CLASP2: variants seen among roughly 807,000 people sequenced by gnomAD.
The protein encoded by CLASP2 is cytoplasmic linker associated protein 2.
A neutral mutation model predicts 194.4 loss-of-function variants in CLASP2; 47 were observed. That is an observed-to-expected ratio of 0.24 (90% CI 0.19 to 0.31). The LOEUF (loss-of-function observed/expected upper bound fraction) is 0.31. CLASP2 is among the 10% of genes least tolerant of loss of function. The probability of loss-of-function intolerance (pLI) is 1.00; values close to 1 mark genes in which losing one functional copy is unlikely to be tolerated. For synonymous variants in CLASP2, 619 were observed against 633.5 expected (o/e 0.98, Z 0.34); for missense variants, 1,445 against 1,823.6 (o/e 0.79, Z 3.78).
intron 18 of CLASP2, among the ~76,000 whole-genome samples, chr3:33,597,680 C>T (rs981415318): frequency 5.3e-5 from 8 of 151,926 alleles, no homozygotes; most frequent in African/African-American, 1.9e-4. Flanking sequence ...GGCCCCCCAG[C>T]GTGAGTCTTA....
chr3:33,498,770 A>C (rs2046136637), intron 38 of CLASP2, 53 bp from the exon 39 acceptor site: 1 of 1,153,204 alleles, frequency 8.7e-7, no homozygotes, highest in African/African-American at 1.5e-5. Context: ...CCAAATTATA[A>C]GATACTCATT....
intron 7 of CLASP2, 57 bp downstream of exon 7, chr3:33,663,388 G>T: frequency 7.6e-7 from 1 of 1,318,248 alleles, no homozygotes; most frequent in Non-Finnish European, 1.1e-6. Context: ...ATACATTTTA[G>T]TGCCTAAAAC....
chr3:33,544,427 T>C (rs765845101), intron 31 of CLASP2, among the ~76,000 whole-genome samples: 20 of 152,186 alleles, frequency 1.3e-4, no homozygotes, highest in Non-Finnish European at 2.5e-4. Context: ...TGCTCTCATC[T>C]ATGTTTTGCT....
chr3:33,551,370 A>T lies in CLASP2; in HGVS notation c.3035T>A (p.Ile1012Lys). Residue 1012 changes from isoleucine (I) to lysine (K), a missense_variant, in exon 30 of 39, where the codon ATA becomes AAA. Ile to Lys is a moderately radical substitution (Grantham distance 102). Coordinates refer to ENST00000682230, the MANE Select transcript of CLASP2 (RefSeq NM_001365631.1). The stretch of plus-strand genomic sequence containing the variant: ...ATCCATCTGTTTGGCCAGAGTTTCT[A>T]TGTATTTAAGGATAGCAACCTTCAC... ...LKVKVAILKY[I>K]ETLAKQMDPG... The T allele has an allele frequency of 6.2e-7, 1 of 1,613,888 alleles. No individual in the cohort carries two copies. Among genetic ancestry groups the T allele is most frequent in the Non-Finnish European group, 8.5e-7 (1 of 1,179,832 alleles).
chr3:33,648,615 T>G (rs1188388270), intron 7 of CLASP2, among the ~76,000 whole-genome samples: 2 of 152,206 alleles, frequency 1.3e-5, no homozygotes, highest in Admixed American at 1.3e-4. Flanking sequence ...TTCATAAAAC[T>G]AATTCATTAT....
chr3:33,614,290 TACA>T (rs1167236296), intron 12 of CLASP2, among the ~76,000 whole-genome samples: 2 of 152,168 alleles, frequency 1.3e-5, no homozygotes, highest in Non-Finnish European at 2.9e-5. Context: ...AATTTTTCCT[TACA>T]TACAGCTGTT....
chr3:33,601,639 T>C (rs1419395346), intron 18 of CLASP2, among the ~76,000 whole-genome samples: 1 of 152,212 alleles, frequency 6.6e-6, no homozygotes, highest in Non-Finnish European at 1.5e-5. Context: ...AACCTGAGAT[T>C]TGATGAATAC....
rs539585002 is a variant in CLASP2, at chr3:33,718,067, C to A, written c.-65G>T. On this transcript the variant is annotated 5_prime_UTR_variant, in exon 1 of 39. The change creates a new upstream start codon in the 5' untranslated region. Coordinates refer to ENST00000682230, the MANE Select transcript of CLASP2 (RefSeq NM_001365631.1). ...CAACTTTCGCCGAGAGCCGCCCAGCCTCCAGTGCGGGTCCCCGCGGGAGCG... is the reference window on the plus strand; with the variant it reads ...CAACTTTCGCCGAGAGCCGCCCAGCATCCAGTGCGGGTCCCCGCGGGAGCG... 1.4e-6 allele frequency: 2 copies of A among 1,417,812 alleles called. No homozygotes were observed. Among genetic ancestry groups the A allele is most frequent in the African/African-American group, 1.5e-5 (1 of 66,634 alleles). The allele number at this position is 1,417,812 out of a possible 1,614,324, so 87.8% of individuals were successfully genotyped here. A position where few individuals can be genotyped will look rare whatever the true frequency, so the allele number is the denominator to read the frequency against.
At chr3:33,623,673 C>A (rs1018656283) in intron 10 of CLASP2, among the ~76,000 whole-genome samples, 1 of 152,040 alleles carries the variant, frequency 6.6e-6, no homozygotes, top group Admixed American at 6.6e-5. Context: ...TCCATTTATT[C>A]ACTGATGGAC....
chr3:33,569,119 A>C (rs917446332), intron 26 of CLASP2, among the ~76,000 whole-genome samples: 3 of 152,212 alleles, frequency 2.0e-5, no homozygotes, highest in Admixed American at 2.0e-4. Flanking sequence ...ATAAAGCCCT[A>C]AGAAGAGAAA....
intron 21 of CLASP2, 63 bp downstream of exon 21, chr3:33,592,332 C>G: frequency 8.4e-7 from 1 of 1,186,348 alleles, no homozygotes; most frequent in Non-Finnish European, 1.2e-6. Flanking sequence ...TACAGTAATA[C>G]AAAAGCAACA....
chr3:33,545,674 C>T (rs2059045380), intron 30 of CLASP2, among the ~76,000 whole-genome samples: 1 of 152,104 alleles, frequency 6.6e-6, no homozygotes, highest in Admixed American at 6.5e-5. Context: ...CTTTGGGAGG[C>T]AAAGGCAGGT....
At chr3:33,668,487 TCAGTA>T (rs2086588283) in intron 6 of CLASP2, among the ~76,000 whole-genome samples, 1 of 152,294 alleles carries the variant, frequency 6.6e-6, no homozygotes, top group South Asian at 2.1e-4. Flanking sequence ...AATGTAATAT[TCAGTA>T]TAAACTCTTG....
At chr3:33,673,821 C>T (rs1285943836) in intron 6 of CLASP2, among the ~76,000 whole-genome samples, 1 of 152,022 alleles carries the variant, frequency 6.6e-6, no homozygotes, top group East Asian at 1.9e-4. Flanking sequence ...GACTTTAAAC[C>T]AACAAAGATC....
At chr3:33,682,394 T>C (rs1428447346) in intron 6 of CLASP2, among the ~76,000 whole-genome samples, 2 of 152,314 alleles carry the variant, frequency 1.3e-5, no homozygotes, top group African/African-American at 4.8e-5. Flanking sequence ...GTAAGTAGTC[T>C]AGGGTGTAAC....
At chr3:33,671,781 G>A (rs2087275329) in intron 6 of CLASP2, among the ~76,000 whole-genome samples, 3 of 152,204 alleles carry the variant, frequency 2.0e-5, no homozygotes, top group African/African-American at 7.2e-5. Context: ...TGGCGCACCA[G>A]GAGATTATAT....
At chr3:33,504,350 T>C (rs990855464) in intron 37 of CLASP2, 8 of 152,242 alleles carry the variant, frequency 5.3e-5, no homozygotes, top group African/African-American at 1.7e-4. Flanking sequence ...CTGATTTGTT[T>C]GAGTAAATTT....
chr3:33,544,149 A>G (rs1576206971), intron 31 of CLASP2, among the ~76,000 whole-genome samples: 1 of 152,294 alleles, frequency 6.6e-6, no homozygotes, highest in African/African-American at 2.4e-5. Context: ...CATACCAGTA[A>G]AAAATATATA....
At chr3:33,554,017 AG>A (rs916874561) in intron 29 of CLASP2, among the ~76,000 whole-genome samples, 11 of 152,136 alleles carry the variant, frequency 7.2e-5, no homozygotes, top group Non-Finnish European at 1.6e-4. Flanking sequence ...ACCTGATGTC[AG>A]GAAGTCAAGG....
Sources: allele counts gnomAD v4.1 joint callset (sites outside exome capture counted in the v4.1 genomes callset), GRCh38; gene constraint gnomAD v4.1.1; transcripts MANE v1.5; gene names NCBI Gene and HGNC (gene_info 2026-07-23, HGNC 2026-07-21).